The following WDR93 variants were observed in gnomAD, a reference collection of about 807,000 sequenced individuals.
The protein encoded by WDR93 is WD repeat-containing protein 93.
Under a neutral mutation model 82.9 loss-of-function variants are expected in WDR93, and 73 were observed. The observed-to-expected ratio is 0.88, with a 90% CI of 0.73 to 1.07. The LOEUF is 1.07. Ranked by LOEUF, WDR93 falls within the 50% of genes least tolerant of loss-of-function variation. The pLI, the probability that WDR93 is intolerant of heterozygous loss-of-function variation, is 0.00. For missense variants in WDR93, 738 were observed against 826.0 expected (o/e 0.89, Z 1.31); for synonymous variants, 283 against 300.1 (o/e 0.94, Z 0.59).
In WDR93 at chr15:89,738,101, A is replaced by C. The variant is rs564170466; in HGVS notation, c.1826A>C (p.Tyr609Ser). The change falls in exon 16 of 17, where the codon TAT becomes TCT. Residue 609 changes from tyrosine (Y) to serine (S), a missense_variant. Tyr to Ser is a moderately radical substitution (Grantham distance 144). Transcript: ENST00000268130. Reference protein sequence around the residue: ...DDAGIQYSVFYFNFEACPLLE... With the variant: ...DDAGIQYSVFSFNFEACPLLE... ...GCTGGAATCCAATATTCTGTTTTCTATTTTAATTTTGAGGCCTGCCCACTC... is the reference window on the plus strand; with the variant it reads ...GCTGGAATCCAATATTCTGTTTTCTCTTTTAATTTTGAGGCCTGCCCACTC... 8.4e-5 allele frequency: 136 copies of C among 1,614,046 alleles called. No homozygotes were observed. In the South Asian group the frequency reaches 8.6e-4, roughly 10 times the overall value.
At chr15:89,691,168 G>A (rs1964858562) in intron 1 of WDR93, among the ~76,000 whole-genome samples, 1 of 152,180 alleles carries the variant, frequency 6.6e-6, no homozygotes. Flanking sequence ...GAAGTGGTTA[G>A]GTCAGAGATA....
chr15:89,742,637 G>A (rs769667768), intron 16 of WDR93, among the ~76,000 whole-genome samples: 2 of 152,022 alleles, frequency 1.3e-5, no homozygotes, highest in Admixed American at 6.6e-5. Flanking sequence ...AGATTCAAGC[G>A]ATTCTCCTGC....
intron 1 of WDR93, among the ~76,000 whole-genome samples, chr15:89,692,036 C>T (rs140388579): frequency 1.3e-5 from 2 of 152,306 alleles, no homozygotes; most frequent in Non-Finnish European, 2.9e-5. Flanking sequence ...AGTCTTTTCC[C>T]ACTTCCCTTT....
intron 16 of WDR93, among the ~76,000 whole-genome samples, chr15:89,738,540 T>C (rs1199315096): frequency 2.7e-5 from 4 of 150,342 alleles, no homozygotes; most frequent in African/African-American, 9.8e-5. Flanking sequence ...GGCAGGAGAA[T>C]TGCTTAAACC....
chr15:89,715,185 G>T (rs1966192996), intron 6 of WDR93, 90 bp downstream of exon 6: 1 of 1,065,844 alleles, frequency 9.4e-7, no homozygotes, highest in Non-Finnish European at 1.4e-6. Flanking sequence ...TGGTGAATGA[G>T]GCCTCTGGGC....
At chr15:89,703,356 G>C (rs944702460) in intron 3 of WDR93, 27 of 580,078 alleles carry the variant, frequency 4.7e-5, no homozygotes, top group Non-Finnish European at 5.7e-5. Flanking sequence ...GCAGCCTTAG[G>C]GGGGAAGTAA....
chr15:89,694,100 A>G (rs1965032932), intron 1 of WDR93, among the ~76,000 whole-genome samples: 1 of 152,238 alleles, frequency 6.6e-6, no homozygotes, highest in Admixed American at 6.5e-5. Flanking sequence ...ATATACGTGT[A>G]GTGGTATCTC....
At chr15:89,696,236 T>A (rs1487097128) in intron 1 of WDR93, among the ~76,000 whole-genome samples, 1 of 152,214 alleles carries the variant, frequency 6.6e-6, no homozygotes, top group African/African-American at 2.4e-5. Context: ...GGACTGCATA[T>A]AAATTTTGAG....
chr15:89,736,005 T>C (rs1241237910), intron 14 of WDR93, among the ~76,000 whole-genome samples: 2 of 151,924 alleles, frequency 1.3e-5, no homozygotes, highest in African/African-American at 4.8e-5. Flanking sequence ...CTGTGGAATG[T>C]GGAGAGGGAG....
intron 4 of WDR93, among the ~76,000 whole-genome samples, chr15:89,711,147 A>G (rs960561392): frequency 6.6e-6 from 1 of 152,208 alleles, no homozygotes; most frequent in Non-Finnish European, 1.5e-5. Flanking sequence ...GGAAGGACAC[A>G]GTGCACCTGT....
intron 8 of WDR93, among the ~76,000 whole-genome samples, chr15:89,726,410 C>T (rs367810137): frequency 1.8e-4 from 27 of 152,252 alleles, no homozygotes; most frequent in African/African-American, 5.8e-4. Context: ...GTGTATCATA[C>T]GATATTATGT....
In WDR93 at chr15:89,703,038, G is replaced by C. The variant is rs769238239; in HGVS notation, c.392G>C (p.Ser131Thr). The C allele has an allele frequency of 1.2e-5, 20 of 1,614,190 alleles. No individual in the cohort carries two copies. In the South Asian group the frequency reaches 2.0e-4, roughly 16 times the overall value. ...AKGFSIYNLYSAKQIYAWEKL... is the reference protein window; with the variant it reads ...AKGFSIYNLYTAKQIYAWEKL... ...GGATTCTCAATTTATAATCTGTACAGTGCTAAACAAATATATGCGTGGGAG... is the reference window on the plus strand; with the variant it reads ...GGATTCTCAATTTATAATCTGTACACTGCTAAACAAATATATGCGTGGGAG... Residue 131 changes from serine to threonine, a missense_variant, in exon 3 of 17, where the codon AGT (serine) becomes ACT (threonine). Coordinates refer to ENST00000268130, the MANE Select transcript of WDR93 (RefSeq NM_020212.2).
At chr15:89,738,629 A>ACC (rs1567133286) in intron 16 of WDR93, among the ~76,000 whole-genome samples, 14 of 148,658 alleles carry the variant, frequency 9.4e-5, no homozygotes, top group African/African-American at 3.2e-4. Context: ...TCTGTCCCAA[A>ACC]AAAAAAAAAA....
In WDR93 at chr15:89,729,103, C is replaced by T. The variant is rs1189948674; in HGVS notation, c.1123+10C>T. 1 of 1,613,050 alleles carries T rather than the reference C, an allele frequency of 6.2e-7. No homozygotes were observed. The highest frequency in any genetic ancestry group is 8.5e-7 in the Non-Finnish European group (1 of 1,179,206). On this transcript the variant is annotated intron_variant, in intron 10 of 16. Coordinates refer to ENST00000268130, the MANE Select transcript of WDR93 (RefSeq NM_020212.2). ...GTCAAGGGCCCCTCAGGTAAATGAA[C>T]ATGAAGTGGGTGGTTGTCCTAGCAA...
chr15:89,696,718 C>T (rs1965195071), intron 1 of WDR93, among the ~76,000 whole-genome samples: 1 of 152,160 alleles, frequency 6.6e-6, no homozygotes, highest in Admixed American at 6.5e-5. Flanking sequence ...TGGTCTTGAA[C>T]TCCGGGGCTC....
rs144535579 is a variant in WDR93 at position 89,719,798 on chromosome 15, T to C, written c.796-2257T>C. Among the ~76,000 whole-genome samples the C allele has an allele frequency of 4.5e-3, 679 of 151,842 alleles. 7 individuals carry two copies. The highest frequency in any genetic ancestry group is 0.016 in the African/African-American group (648 of 41,368). ...CTTCTAATTTCTTTCTTTCTTTTTCTTCTTTTTTTCTTTTTTTTTTGAGAT... is the reference window on the plus strand; with the variant it reads ...CTTCTAATTTCTTTCTTTCTTTTTCCTCTTTTTTTCTTTTTTTTTTGAGAT... On this transcript the variant is annotated intron_variant, in intron 7 of 16. Coordinates refer to ENST00000268130, the MANE Select transcript of WDR93 (RefSeq NM_020212.2).
chr15:89,713,124 T>TAA (rs77944900), intron 5 of WDR93, among the ~76,000 whole-genome samples: 10 of 97,710 alleles, frequency 1.0e-4, no homozygotes, highest in Non-Finnish European at 1.9e-4. Flanking sequence ...AACTCCATCT[T>TAA]AAAAAAAAAA....
At chr15:89,727,039 A>G (rs1466207504) in intron 8 of WDR93, 118 bp from the exon 9 acceptor site, 2 of 1,176,118 alleles carry the variant, frequency 1.7e-6, no homozygotes, top group Non-Finnish European at 2.4e-6. Context: ...GCAGAGCAAG[A>G]ATCGATTTCT....
At chr15:89,736,929 C>T (rs1242274546) in intron 14 of WDR93, among the ~76,000 whole-genome samples, 1 of 151,932 alleles carries the variant, frequency 6.6e-6, no homozygotes, top group Non-Finnish European at 1.5e-5. Flanking sequence ...GTAGCTGGGA[C>T]TACAGGTGCC....
Sources: allele counts gnomAD v4.1 joint callset (sites outside exome capture counted in the v4.1 genomes callset), GRCh38; gene constraint gnomAD v4.1.1; transcripts MANE v1.5; gene names NCBI Gene and HGNC (gene_info 2026-07-23, HGNC 2026-07-21).